The following KCNMA1 variants were observed in gnomAD, a reference collection of about 807,000 sequenced individuals.
KCNMA1 encodes Calcium-activated potassium channel subunit alpha-1.
In KCNMA1, 29 loss-of-function variants were observed where a neutral mutation model predicts 140.0. The observed-to-expected ratio is 0.21, with a 90% CI of 0.15 to 0.28. The LOEUF (loss-of-function observed/expected upper bound fraction) is 0.28. KCNMA1 is among the 10% of genes least tolerant of loss of function. The probability of loss-of-function intolerance (pLI) is 1.00; values close to 1 mark genes in which losing one functional copy is unlikely to be tolerated. For synonymous variants in KCNMA1, 612 were observed against 611.9 expected, an observed-to-expected ratio of 1.00 and a Z score of 0.00; for missense variants, 880 against 1,602.2, an observed-to-expected ratio of 0.55 and a Z score of 7.70.
At chr10:76,950,273 C>A (rs3781146) in intron 21 of KCNMA1, among the ~76,000 whole-genome samples, 9,605 of 152,182 alleles carry the variant, frequency 0.063, 458 homozygotes, top group Admixed American at 0.16. Context: ...TCTGGAGGGG[C>A]CTGTTTTGCT....
At chr10:77,420,437 C>T (rs1434186302) in intron 1 of KCNMA1, among the ~76,000 whole-genome samples, 3 of 152,224 alleles carry the variant, frequency 2.0e-5, no homozygotes, top group Non-Finnish European at 4.4e-5. Flanking sequence ...CTCTCCAGAC[C>T]TCTTCAGTAG....
In KCNMA1 at chr10:77,108,512, C is replaced by A; in HGVS notation, c.1192G>T (p.Gly398Trp). 6.2e-7 allele frequency: 1 copy of A among 1,613,878 alleles called. No homozygotes were observed. Among genetic ancestry groups the A allele is most frequent in the Non-Finnish European group, 8.5e-7 (1 of 1,179,944 alleles). The change falls in exon 9 of 28, where the codon GGG (glycine) becomes TGG (tryptophan). Residue 398 changes from glycine (G) to tryptophan (W), a missense_variant. Coordinates refer to ENST00000286628, the MANE Select transcript of KCNMA1 (RefSeq NM_001161352.2). This position sits in a 1 kb window ranked among gnomAD's most constrained non-coding sequence, Gnocchi z 4.6. The stretch of plus-strand genomic sequence containing the variant: ...CCACTAACCGCACTATAGGAGCCCC[C>A]GTATTTCTTGCGGTTTCCTATTAAC... ...IELIGNRKKYGGSYSAVSGRK... is the reference protein window; with the variant it reads ...IELIGNRKKYWGSYSAVSGRK...
intron 2 of KCNMA1, among the ~76,000 whole-genome samples, chr10:77,384,411 C>T (rs1267774521): frequency 6.6e-6 from 1 of 152,162 alleles, no homozygotes; most frequent in Non-Finnish European, 1.5e-5. Context: ...CCCTGGTGCT[C>T]GGATCATTGG....
chr10:77,401,295 T>C (rs1456737856), intron 2 of KCNMA1, among the ~76,000 whole-genome samples: 1 of 152,122 alleles, frequency 6.6e-6, no homozygotes, highest in Non-Finnish European at 1.5e-5. Context: ...TAGCTGGGAC[T>C]ACAGGCACCC....
Position 77,587,641 on chromosome 10 carries a change from C to T in KCNMA1, c.378+49624G>A, listed in dbSNP as rs971925772. 8 of 937,548 alleles carry T rather than the reference C, an allele frequency of 8.5e-6. No homozygotes were observed. The African/African-American group carries it at 1.1e-4, about 12-fold the overall frequency. 58.1% of individuals were successfully genotyped at this position (937,548 alleles called of 1,614,324 possible). On this transcript the variant is annotated intron_variant, in intron 1 of 27. Transcript: ENST00000286628. ...TCTGGGCTGCGGGCCCCTGAGTGTC[C>T]GGTGCTCTGAGGACACCTTCAGTGG...
chr10:76,914,851 C>T, intron 24 of KCNMA1, 85 bp downstream of exon 24: 1 of 1,029,590 alleles, frequency 9.7e-7, no homozygotes, highest in South Asian at 1.3e-5. Context: ...GTTGAAAGGG[C>T]TAAGAAATAA....
At chr10:76,882,555 C>T (rs1419269006), downstream of KCNMA1, among the ~76,000 whole-genome samples, 1 of 152,178 alleles carries the variant, frequency 6.6e-6, no homozygotes, top group Non-Finnish European at 1.5e-5. Context: ...CATAGAGATA[C>T]AAATTATTTG....
chr10:77,474,960 C>G (rs141500703), intron 1 of KCNMA1, among the ~76,000 whole-genome samples: 2 of 152,256 alleles, frequency 1.3e-5, no homozygotes, highest in Non-Finnish European at 2.9e-5. Flanking sequence ...AGCCTCAGAT[C>G]ATGAGCCTAG....
chr10:77,276,038 C>G (rs2066581706), intron 2 of KCNMA1, among the ~76,000 whole-genome samples: 1 of 152,202 alleles, frequency 6.6e-6, no homozygotes, highest in Admixed American at 6.5e-5. Flanking sequence ...TGCCCCACCT[C>G]TCCACATTCA....
chr10:77,447,902 G>A (rs1002582272), intron 1 of KCNMA1, among the ~76,000 whole-genome samples: 11 of 152,196 alleles, frequency 7.2e-5, no homozygotes, highest in Admixed American at 4.6e-4. Flanking sequence ...AATTAGAGAC[G>A]CAGTTAAAAC....
At chr10:77,533,931 A>G (rs557424323) in intron 1 of KCNMA1, among the ~76,000 whole-genome samples, 1 of 152,264 alleles carries the variant, frequency 6.6e-6, no homozygotes, top group East Asian at 1.9e-4. Context: ...TCTACTCCTG[A>G]TTACAGAGGG....
At chr10:77,200,642 G>GAAAA in intron 3 of KCNMA1, among the ~76,000 whole-genome samples, 1 of 145,844 alleles carries the variant, frequency 6.9e-6, no homozygotes. Flanking sequence ...TAATCTTCTG[G>GAAAA]AAAAAAAAAA....
intron 1 of KCNMA1, among the ~76,000 whole-genome samples, chr10:77,581,315 C>CTTTT (rs11392217): frequency 6.7e-6 from 1 of 148,268 alleles, no homozygotes; most frequent in Non-Finnish European, 1.5e-5. Flanking sequence ...ATTCTCAACA[C>CTTTT]TTTTTTTTTT....
intron 2 of KCNMA1, among the ~76,000 whole-genome samples, chr10:77,276,286 A>C (rs1230872339): frequency 6.6e-6 from 1 of 152,212 alleles, no homozygotes; most frequent in Non-Finnish European, 1.5e-5. Context: ...CTGCTCTGGA[A>C]GTTCCTGCAG....
chr10:77,380,318 C>T (rs139561976), intron 2 of KCNMA1, among the ~76,000 whole-genome samples: 67 of 152,240 alleles, frequency 4.4e-4, no homozygotes, highest in African/African-American at 1.6e-3. Context: ...CTCAAGGGGC[C>T]TCCCTCCGCA....
chr10:76,978,117 C>T (rs2078240949), intron 19 of KCNMA1, among the ~76,000 whole-genome samples: 4 of 152,192 alleles, frequency 2.6e-5, no homozygotes, highest in South Asian at 2.1e-4. Flanking sequence ...CAAACTTGCA[C>T]AGCTTTAGTT....
At chr10:77,208,837 G>A (rs2045048494) in intron 3 of KCNMA1, among the ~76,000 whole-genome samples, 1 of 152,184 alleles carries the variant, frequency 6.6e-6, no homozygotes, top group African/African-American at 2.4e-5. Context: ...TTTTATAGCA[G>A]TGTAAGTACA....
intron 1 of KCNMA1, among the ~76,000 whole-genome samples, chr10:77,622,889 T>C (rs551556192): frequency 1.3e-5 from 2 of 152,340 alleles, no homozygotes; most frequent in Admixed American, 6.5e-5. Context: ...GGAGGAATCA[T>C]TGCTGTTTTC....
chr10:77,006,328 T>A (rs188584970), intron 18 of KCNMA1, among the ~76,000 whole-genome samples: 78 of 152,172 alleles, frequency 5.1e-4, no homozygotes, highest in Non-Finnish European at 1.0e-3. Context: ...TAGATACTTT[T>A]CAGGTCACAG....
Sources: gnomAD v4.1 joint callset for allele counts (sites outside exome capture counted in the v4.1 genomes callset) on GRCh38, gnomAD v4.1.1 for gene constraint, Gnocchi (gnomAD v3.1) non-coding constraint, MANE v1.5 for transcripts, NCBI Gene and HGNC (gene_info 2026-07-23, HGNC 2026-07-21) for gene names.